Variants in TMEM232 observed in about 807,000 individuals in gnomAD.
The protein encoded by TMEM232 is transmembrane protein 232.
TMEM232 carries 80 observed loss-of-function variants against 78.8 expected under a neutral mutation model. That is an observed-to-expected ratio of 1.01 (90% confidence interval 0.85 to 1.22). The LOEUF is 1.22. Ranked by LOEUF, TMEM232 falls within the 50% of genes most tolerant of loss-of-function variation. The pLI, the probability that TMEM232 is intolerant of heterozygous loss-of-function variation, is 0.00. For missense variants in TMEM232, 881 were observed against 742.2 expected (o/e 1.19, Z -2.17); for synonymous variants, 297 against 254.3 (o/e 1.17, Z -1.60).
chr5:110,692,158 G>T (rs1289006984), intron 1 of TMEM232, among the ~76,000 whole-genome samples: 9 of 152,154 alleles, frequency 5.9e-5, no homozygotes, highest in African/African-American at 1.7e-4. Flanking sequence ...CCGGACTCAT[G>T]ATCTGCCCGC....
At chr5:110,467,549 G>A (rs1205223530) in intron 12 of TMEM232, among the ~76,000 whole-genome samples, 1 of 152,156 alleles carries the variant, frequency 6.6e-6, no homozygotes, top group Non-Finnish European at 1.5e-5. Context: ...AACTATGAAA[G>A]CCATCATATC....
chr5:110,731,196 C>T (rs143302636), upstream of TMEM232, among the ~76,000 whole-genome samples: 300 of 152,240 alleles, frequency 2.0e-3, no homozygotes, highest in African/African-American at 7.0e-3. Context: ...TCATGGTCTT[C>T]GGCAGCTCCA....
rs1044905756 is a variant in TMEM232, at chr5:110,545,980, C to T, written c.1456-17145G>A. ...CAATTAACATTTGTTTATTATGCCA[C>T]TGTGAGTATATGACAGTTTTTTTAT... On this transcript the variant is annotated intron_variant, in intron 11 of 13. Coordinates refer to ENST00000455884, the MANE Select transcript of TMEM232 (RefSeq NM_001039763.4). 1.2e-4 allele frequency among the ~76,000 whole-genome samples: 19 copies of T among 152,144 alleles called. 1 individual carries two copies. Among genetic ancestry groups the T allele is most frequent in the Non-Finnish European group, 2.5e-4 (17 of 67,984 alleles).
At chr5:110,391,372 T>C (rs996047033) in intron 3 of TMEM232, among the ~76,000 whole-genome samples, 2 of 150,646 alleles carry the variant, frequency 1.3e-5, no homozygotes, top group African/African-American at 4.9e-5. Context: ...CATATCCATA[T>C]CCTGCATTCA....
chr5:110,531,726 T>C (rs1162320879), intron 11 of TMEM232, among the ~76,000 whole-genome samples: 1 of 152,140 alleles, frequency 6.6e-6, no homozygotes, highest in African/African-American at 2.4e-5. Flanking sequence ...TTTTTCTTTA[T>C]CCCAAATCAG....
At chr5:110,402,291 T>C (rs1465213432) in intron 2 of TMEM232, among the ~76,000 whole-genome samples, 10 of 152,132 alleles carry the variant, frequency 6.6e-5, no homozygotes, top group Non-Finnish European at 4.4e-5. Flanking sequence ...TTGCTTAAGA[T>C]TGTTTCCTGA....
exon 1 of TMEM232, chr5:110,738,037 AT>A (rs1277350583): frequency 4.3e-6 from 1 of 232,748 alleles, no homozygotes. Context: ...ACAGAAAAAA[AT>A]GTCAGTTCAA....
intron 11 of TMEM232, among the ~76,000 whole-genome samples, chr5:110,559,669 A>AT (rs1775524016): frequency 6.6e-6 from 1 of 152,140 alleles, no homozygotes; most frequent in South Asian, 2.1e-4. Context: ...AAGGCTGAAA[A>AT]TTTTTCAGTA....
chr5:110,616,439 T>C (rs538134759), intron 8 of TMEM232, among the ~76,000 whole-genome samples: 1 of 152,148 alleles, frequency 6.6e-6, no homozygotes, highest in African/African-American at 2.4e-5. Flanking sequence ...TCTACTTTAA[T>C]TATAAAATGA....
In TMEM232 at chr5:110,424,849, C is replaced by T; in HGVS notation, c.1771G>A (p.Glu591Lys). 6.5e-7 allele frequency: 1 copy of T among 1,549,580 alleles called. No homozygotes were observed. The highest frequency in any genetic ancestry group is 1.4e-5 in the African/African-American group (1 of 73,010). ...YPDFFTKADK[E>K]LAKIIDHHWQ... is the part of the protein sequence containing the mutation. ...TGATGGTCAATGATTTTTGCCAACT[C>T]TTTATCTGCCTTGGTGAAGAAATCT... Residue 591 changes from glutamate to lysine, a missense_variant, in exon 13 of 14, where the codon GAG (glutamate) becomes AAG (lysine). Glu to Lys is a moderately conservative substitution (Grantham distance 56). Transcript: ENST00000455884.
rs1561633738 is a variant in TMEM232, at chr5:110,528,720, G to T, written c.1571C>A (p.Ser524Tyr). 4.6e-6 allele frequency: 7 copies of T among 1,534,732 alleles called. No homozygotes were observed. Among genetic ancestry groups the T allele is most frequent in the Non-Finnish European group, 6.1e-6 (7 of 1,146,226 alleles). The change falls in exon 12 of 14, where the codon TCC (serine) becomes TAC (tyrosine). Residue 524 changes from serine to tyrosine, a missense_variant. Transcript: ENST00000455884. ...CTCAATGGGGGGAAAGAATAGTTTG[G>T]AAAGAGTGTTGGCAATTCTCCACCC... is the stretch of plus-strand genomic sequence containing the variant. Reference protein sequence around the residue: ...YIGWRIANTLSKLFFPPIEAH... With the variant: ...YIGWRIANTLYKLFFPPIEAH...
chr5:110,578,752 C>T (rs1238043978), intron 10 of TMEM232, among the ~76,000 whole-genome samples: 1 of 151,618 alleles, frequency 6.6e-6, no homozygotes, highest in African/African-American at 2.4e-5. Context: ...ACTGGACTCT[C>T]TTTTCTATCG....
At chr5:110,434,115 G>A (rs1053550915) in intron 12 of TMEM232, among the ~76,000 whole-genome samples, 1 of 150,234 alleles carries the variant, frequency 6.7e-6, no homozygotes, top group Non-Finnish European at 1.5e-5. Context: ...ACTAAAATCA[G>A]AGCAGAACTA....
chr5:110,583,462 C>G (rs73224347), intron 10 of TMEM232, among the ~76,000 whole-genome samples: 2 of 151,602 alleles, frequency 1.3e-5, no homozygotes, highest in Non-Finnish European at 2.9e-5. Flanking sequence ...AAAATTAGAC[C>G]CTTATGCTAT....
intron 11 of TMEM232, among the ~76,000 whole-genome samples, chr5:110,568,073 GA>G (rs1299378375): frequency 4.6e-5 from 7 of 151,818 alleles, no homozygotes; most frequent in Non-Finnish European, 1.0e-4. Context: ...TCTTCATCAA[GA>G]AAAGAGAAAA....
chr5:110,452,170 G>A (rs1760373130), intron 12 of TMEM232, among the ~76,000 whole-genome samples: 1 of 152,008 alleles, frequency 6.6e-6, no homozygotes, highest in Admixed American at 6.6e-5. Context: ...AATATTCCAT[G>A]TCCATAAAAT....
At chr5:110,584,898 T>C (rs1561737809) in intron 10 of TMEM232, among the ~76,000 whole-genome samples, 1 of 152,094 alleles carries the variant, frequency 6.6e-6, no homozygotes, top group Non-Finnish European at 1.5e-5. Context: ...TCTGCTATGA[T>C]ATATTATTAT....
intron 11 of TMEM232, among the ~76,000 whole-genome samples, chr5:110,534,882 A>G (rs995076378): frequency 6.6e-6 from 1 of 152,072 alleles, no homozygotes; most frequent in Admixed American, 6.5e-5. Context: ...GGCCATCACC[A>G]ATAATTCTAA....
intron 10 of TMEM232, among the ~76,000 whole-genome samples, chr5:110,571,584 C>G (rs1038329350): frequency 5.3e-5 from 8 of 151,948 alleles, no homozygotes; most frequent in Admixed American, 1.3e-4. Flanking sequence ...CTTGGAGAGG[C>G]TGAGGCAGGA....
Sources: allele counts gnomAD v4.1 joint callset (sites outside exome capture counted in the v4.1 genomes callset), GRCh38; gene constraint gnomAD v4.1.1; transcripts MANE v1.5; gene names NCBI Gene and HGNC (gene_info 2026-07-23, HGNC 2026-07-21).